Variants in STX6 observed in about 807,000 individuals in gnomAD.
STX6 encodes syntaxin-6.
A neutral mutation model predicts 38.0 loss-of-function variants in STX6; 23 were observed. That is an observed-to-expected ratio of 0.60 (90% CI 0.43 to 0.86). The LOEUF is 0.86. Ranked by LOEUF, STX6 falls within the 40% of genes least tolerant of loss-of-function variation. STX6 has a pLI of 0.00. For missense variants in STX6, 274 were observed against 312.9 expected, an observed-to-expected ratio of 0.88 and a Z score of 0.94; for synonymous variants, 123 against 107.5, an observed-to-expected ratio of 1.14 and a Z score of -0.89.
At chr1:180,979,311 T>C (rs1252850696) in intron 7 of STX6, among the ~76,000 whole-genome samples, 1 of 152,116 alleles carries the variant, frequency 6.6e-6, no homozygotes, top group Non-Finnish European at 1.5e-5. Flanking sequence ...AGACTTACCA[T>C]AACATCAATC....
chr1:181,001,085 C>T (rs998506915), intron 3 of STX6, among the ~76,000 whole-genome samples: 5 of 152,230 alleles, frequency 3.3e-5, no homozygotes, highest in East Asian at 1.9e-4. Flanking sequence ...TATCTATAAA[C>T]AATTTACGTA....
chr1:180,981,147 A>C (rs1441860527), intron 7 of STX6, among the ~76,000 whole-genome samples: 17 of 152,184 alleles, frequency 1.1e-4, no homozygotes, highest in Non-Finnish European at 1.9e-4. Context: ...TACAATACCA[A>C]GAGTGAATCC....
chr1:180,988,292 C>T lies in STX6; in HGVS notation c.543G>A (p.Gly181=). ...TGCGCTGGGACATGTTCTTCAGCACCCCGATGCTGCCAGAGACCAGCTCCA... is the reference window on the plus strand; with the variant it reads ...TGCGCTGGGACATGTTCTTCAGCACTCCGATGCTGCCAGAGACCAGCTCCA... ...EQLELVSGSI[G]VLKNMSQRIG... The change falls in exon 6 of 8, where the codon GGG becomes GGA. Residue 181 remains glycine (G), a synonymous_variant. Coordinates refer to ENST00000258301, the MANE Select transcript of STX6 (RefSeq NM_005819.6). 6.2e-7 allele frequency: 1 copy of T among 1,614,056 alleles called. No individual in the cohort carries two copies. The highest frequency in any genetic ancestry group is 8.5e-7 in the Non-Finnish European group (1 of 1,179,978).
rs774151529 is a variant in STX6 at position 180,976,550 on chromosome 1, C to T, written c.*20G>A. The T allele has an allele frequency of 1.9e-5, 31 of 1,611,692 alleles. No individual in the cohort carries two copies. Among genetic ancestry groups the T allele is most frequent in the South Asian group, 6.6e-5 (6 of 91,042 alleles). ...CCTCGGTTCATATGCAGGAGGAACT[C>T]GCACCCAGAGGCCCCGCCGTCACAG... On this transcript the variant is annotated 3_prime_UTR_variant, in exon 8 of 8. Transcript: ENST00000258301.
chr1:181,001,096 T>C (rs1485580856), intron 3 of STX6, among the ~76,000 whole-genome samples: 1 of 152,212 alleles, frequency 6.6e-6, no homozygotes, highest in Non-Finnish European at 1.5e-5. Flanking sequence ...AATTTACGTA[T>C]ATGTATATAG....
chr1:180,995,642 G>C lies in STX6; in HGVS notation c.301-2217C>G, dbSNP rs188052143. Reference sequence around the variant, plus strand: ...AAGCCAAGGCAGTCGGAACGCTTGAGGCCAGGAGTTGCAGACCAGCCTGGG... The same window carrying C: ...AAGCCAAGGCAGTCGGAACGCTTGACGCCAGGAGTTGCAGACCAGCCTGGG... On this transcript the variant is annotated intron_variant, in intron 3 of 7. Transcript: ENST00000258301. Among the ~76,000 whole-genome samples, 44 of 152,338 alleles carry C rather than the reference G, an allele frequency of 2.9e-4. No homozygotes were observed. The East Asian group carries it at 6.4e-3, about 22-fold the overall frequency.
At chr1:181,022,172 A>C (rs1306939251) in intron 1 of STX6, among the ~76,000 whole-genome samples, 1 of 151,994 alleles carries the variant, frequency 6.6e-6, no homozygotes, top group Non-Finnish European at 1.5e-5. Flanking sequence ...TCTGCGGACA[A>C]GCGCTCCAAA....
At chr1:181,014,405 AG>A (rs1553266730) in intron 1 of STX6, among the ~76,000 whole-genome samples, 1 of 145,626 alleles carries the variant, frequency 6.9e-6, no homozygotes, top group South Asian at 2.2e-4. Flanking sequence ...AAAAAAAAAA[AG>A]AAAAAAAAAG....
At position 180,976,606 on chromosome 1, in the gene STX6, G is replaced by A. The variant is rs1395960713; in HGVS notation, c.732C>T (p.Val244=). 1 of 1,613,720 alleles carries A rather than the reference G, an allele frequency of 6.2e-7. No individual in the cohort carries two copies. The highest frequency in any genetic ancestry group is 1.7e-5 in the Admixed American group (1 of 60,020). Residue 244 remains valine (V), a synonymous_variant, in exon 8 of 8, where the codon GTC becomes GTT. Transcript: ENST00000258301. ...QWCAIAILFA[V]LLVVLILFLV... ...AGAAGAGGATGAGCACAACCAACAGGACTGCAAAGAGGATGGCTATGGCAC... is the reference window on the plus strand; with the variant it reads ...AGAAGAGGATGAGCACAACCAACAGAACTGCAAAGAGGATGGCTATGGCAC...
Position 180,972,798 on chromosome 1 carries a change from T to C in STX6, c.*3772A>G. ...CTGTTGTCCTGAGTAACAGTATCTCTAAGCTGAGTTACTCTGATCGGAGCT... is the reference window on the plus strand; with the variant it reads ...CTGTTGTCCTGAGTAACAGTATCTCCAAGCTGAGTTACTCTGATCGGAGCT... On this transcript the variant is annotated 3_prime_UTR_variant, in exon 8 of 8. Transcript: ENST00000258301. 2.8e-6 allele frequency: 1 copy of C among 351,232 alleles called. No homozygotes were observed. The highest frequency in any genetic ancestry group is 2.2e-5 in the South Asian group (1 of 45,210). 21.8% of individuals were successfully genotyped at this position (351,232 alleles called of 1,614,324 possible).
chr1:180,998,638 C>A (rs1322085862), intron 3 of STX6, among the ~76,000 whole-genome samples: 5 of 152,206 alleles, frequency 3.3e-5, no homozygotes, highest in Admixed American at 1.3e-4. Context: ...GCCTCAGCCT[C>A]CCAAAGTGCT....
At chr1:180,983,696 C>CTTAT (rs1484210250) in intron 7 of STX6, among the ~76,000 whole-genome samples, 1 of 152,178 alleles carries the variant, frequency 6.6e-6, no homozygotes, top group Non-Finnish European at 1.5e-5. Flanking sequence ...TGTTGTTTTA[C>CTTAT]ATAAGTTCCC....
chr1:181,012,721 C>T (rs1270077908), intron 1 of STX6, among the ~76,000 whole-genome samples: 1 of 138,554 alleles, frequency 7.2e-6, no homozygotes, highest in Non-Finnish European at 1.5e-5. Context: ...GTTGCCCTGG[C>T]TGGAGTACAA....
At chr1:181,020,743 C>T (rs1352980676) in intron 1 of STX6, among the ~76,000 whole-genome samples, 5 of 152,246 alleles carry the variant, frequency 3.3e-5, no homozygotes. Context: ...GCATTCACTT[C>T]AACACTCATT....
chr1:180,987,930 G>A (rs1369973336), intron 6 of STX6: 1 of 212,514 alleles, frequency 4.7e-6, no homozygotes, highest in African/African-American at 2.3e-5. Flanking sequence ...ATTCCCACAG[G>A]TTACAGAGGC....
chr1:181,001,546 A>C (rs902173053), intron 3 of STX6, among the ~76,000 whole-genome samples: 3 of 152,202 alleles, frequency 2.0e-5, no homozygotes, highest in Non-Finnish European at 2.9e-5. Context: ...TAACTCTGGA[A>C]CGGCTGTCAA....
rs544241340 is a variant in STX6 at position 181,002,587 on chromosome 1, A to G, written c.300+19T>C. On this transcript the variant is annotated intron_variant, in intron 3 of 7. Coordinates refer to ENST00000258301, the MANE Select transcript of STX6 (RefSeq NM_005819.6). ...GGCTATTTCTTATACAGATAACACA[A>G]TAAGATCATATTCCTTACCCTGACA... 1.1e-5 allele frequency: 18 copies of G among 1,567,004 alleles called. No individual in the cohort carries two copies. Among genetic ancestry groups the G allele is most frequent in the Admixed American group, 3.4e-5 (2 of 59,568 alleles).
chr1:180,976,184 AG>A lies in STX6; in HGVS notation c.*385del, dbSNP rs1655242776. On this transcript the variant is annotated 3_prime_UTR_variant, in exon 8 of 8. Transcript: ENST00000258301. ...GCGGTGCACTGTCTGAGCACGGGGAAGGGTCTGAGCAGAAGAAAAGAGCTGC... is the reference window on the plus strand; with the variant it reads ...GCGGTGCACTGTCTGAGCACGGGGAAGGTCTGAGCAGAAGAAAAGAGCTGC... 4.9e-6 allele frequency: 1 copy of A among 205,246 alleles called. No homozygotes were observed. Among genetic ancestry groups the A allele is most frequent in the African/African-American group, 2.3e-5 (1 of 43,990 alleles). 12.7% of individuals were successfully genotyped at this position (205,246 alleles called of 1,614,324 possible).
chr1:180,973,166 T>C lies in STX6; in HGVS notation c.*3404A>G, dbSNP rs1181785107. 2 of 152,476 alleles carry C rather than the reference T, an allele frequency of 1.3e-5. No individual in the cohort carries two copies. Among genetic ancestry groups the C allele is most frequent in the Non-Finnish European group, 2.9e-5 (2 of 68,262 alleles). The allele number at this position is 152,476 out of a possible 1,614,324, so 9.4% of individuals were successfully genotyped here. A position where few individuals can be genotyped will look rare whatever the true frequency, so the allele number is the denominator to read the frequency against. On this transcript the variant is annotated 3_prime_UTR_variant, in exon 8 of 8. Transcript: ENST00000258301. The stretch of plus-strand genomic sequence containing the variant: ...CAAAGAAAAATTAGAGGCAGTACAT[T>C]CCATATTTCAGAACTTTAGCTTTCC...
Sources: allele counts gnomAD v4.1 joint callset (sites outside exome capture counted in the v4.1 genomes callset), GRCh38; gene constraint gnomAD v4.1.1; transcripts MANE v1.5; gene names NCBI Gene and HGNC (gene_info 2026-07-23, HGNC 2026-07-21).